Variants in CSMD3 observed in about 807,000 individuals in gnomAD.
CSMD3 encodes the protein CUB and sushi domain-containing protein 3.
CSMD3 carries 177 observed loss-of-function variants against 435.2 expected under a neutral mutation model. That is an observed-to-expected ratio of 0.41 (90% CI 0.36 to 0.46). The LOEUF (loss-of-function observed/expected upper bound fraction) is 0.46, where lower values mean the gene tolerates loss of function less well. Among genes scored for constraint, CSMD3 ranks in the 20% least tolerant of loss-of-function variants. The probability of loss-of-function intolerance (pLI) is 0.34; values close to 1 mark genes in which losing one functional copy is unlikely to be tolerated. For synonymous variants in CSMD3, 1,656 were observed against 1,520.5 expected, an observed-to-expected ratio of 1.09 and a Z score of -2.07; for missense variants, 4,265 against 4,504.6, an observed-to-expected ratio of 0.95 and a Z score of 1.52.
chr8:113,066,631 A>G (rs1386323284), intron 5 of CSMD3, among the ~76,000 whole-genome samples: 1 of 151,996 alleles, frequency 6.6e-6, no homozygotes, highest in African/African-American at 2.4e-5. Context: ...TATTCCTGCT[A>G]TAAATCTGAA....
chr8:112,722,907 T>A (rs940707059), intron 13 of CSMD3, among the ~76,000 whole-genome samples: 1 of 152,100 alleles, frequency 6.6e-6, no homozygotes, highest in East Asian at 1.9e-4. Context: ...ATATGTTGGG[T>A]TTTTGAAATT....
chr8:112,370,017 A>AGAAGAG lies in CSMD3; in HGVS notation c.6136+10329_6136+10334dup, dbSNP rs1554658400. On this transcript the variant is annotated intron_variant, in intron 38 of 70. Transcript: ENST00000297405. ...AGGAAGAAGAAGAGGAAGAGGAAGA[A>AGAAGAG]GAAGAGGAAGAAGAAGAAGAAGAAG... is the stretch of plus-strand genomic sequence containing the variant. Among the ~76,000 whole-genome samples, 360 of 59,496 alleles carry AGAAGAG rather than the reference A, an allele frequency of 6.1e-3. 13 individuals carry two copies. Among genetic ancestry groups the AGAAGAG allele is most frequent in the African/African-American group, 0.014 (344 of 25,228 alleles). 39.0% of individuals were successfully genotyped at this position (59,496 alleles called of 152,430 possible).
intron 3 of CSMD3, among the ~76,000 whole-genome samples, chr8:113,275,748 C>T (rs985324992): frequency 6.6e-6 from 1 of 151,652 alleles, no homozygotes; most frequent in African/African-American, 2.4e-5. Flanking sequence ...GCTTGTAATC[C>T]CAGTGCTTTG....
chr8:112,918,531 G>C (rs2082638682), intron 10 of CSMD3, among the ~76,000 whole-genome samples: 1 of 151,622 alleles, frequency 6.6e-6, no homozygotes, highest in South Asian at 2.1e-4. Context: ...GTTTCTTTAA[G>C]TATCAGGAAG....
chr8:112,272,571 T>A (rs554739045), intron 59 of CSMD3, among the ~76,000 whole-genome samples: 1 of 152,224 alleles, frequency 6.6e-6, no homozygotes, highest in East Asian at 1.9e-4. Flanking sequence ...GAAATATAGA[T>A]GAAATTATTG....
chr8:112,379,548 A>T (rs1829277766), intron 38 of CSMD3, among the ~76,000 whole-genome samples: 1 of 152,146 alleles, frequency 6.6e-6, no homozygotes, highest in Non-Finnish European at 1.5e-5. Flanking sequence ...ATAGAAATAC[A>T]TCCCATTTTA....
chr8:113,179,128 A>T (rs929360091), intron 3 of CSMD3, among the ~76,000 whole-genome samples: 1 of 151,816 alleles, frequency 6.6e-6, no homozygotes, highest in African/African-American at 2.4e-5. Context: ...TTAATTTTAA[A>T]AAAATTAGTA....
chr8:112,810,421 A>G (rs1031159157), intron 12 of CSMD3, among the ~76,000 whole-genome samples: 1 of 152,158 alleles, frequency 6.6e-6, no homozygotes, highest in Non-Finnish European at 1.5e-5. Context: ...GCAAATGATA[A>G]GTCTAATATA....
chr8:112,617,702 T>C (rs1360322023), intron 22 of CSMD3, among the ~76,000 whole-genome samples: 1 of 152,144 alleles, frequency 6.6e-6, no homozygotes, highest in Non-Finnish European at 1.5e-5. Flanking sequence ...TTACCAGTCA[T>C]TGCCCAGTTG....
intron 1 of CSMD3, among the ~76,000 whole-genome samples, chr8:113,424,839 C>T (rs542346836): frequency 1.4e-4 from 21 of 151,456 alleles, no homozygotes; most frequent in African/African-American, 4.8e-4. Context: ...GTTATATTTA[C>T]CTGTGATAAG....
At chr8:112,794,014 T>C (rs1563966843) in intron 13 of CSMD3, among the ~76,000 whole-genome samples, 1 of 152,228 alleles carries the variant, frequency 6.6e-6, no homozygotes, top group East Asian at 1.9e-4. Context: ...ACTCACCATG[T>C]CTTAAAAAAG....
rs529928299 is a variant in CSMD3 at position 112,929,140 on chromosome 8, T to G, written c.1509-7389A>C. 9.5e-5 allele frequency among the ~76,000 whole-genome samples: 14 copies of G among 147,494 alleles called. No individual in the cohort carries two copies. In the Admixed American group the frequency reaches 9.6e-4, roughly 10 times the overall value. ...GCCCACTTTTTGATGGGGTTGTTTG[T>G]TTTTTCTTGTAAATTTGTTTGAGTT... On this transcript the variant is annotated intron_variant, in intron 9 of 70. Coordinates refer to ENST00000297405, the MANE Select transcript of CSMD3 (RefSeq NM_198123.2).
intron 4 of CSMD3, among the ~76,000 whole-genome samples, chr8:113,110,985 T>A (rs370025147): frequency 1.8e-4 from 27 of 152,112 alleles, no homozygotes; most frequent in African/African-American, 6.3e-4. Context: ...GTGGGCCTAT[T>A]TTATAAGGGC....
chr8:112,290,576 G>T (rs980905934), intron 56 of CSMD3, among the ~76,000 whole-genome samples: 19 of 151,604 alleles, frequency 1.3e-4, no homozygotes, highest in Non-Finnish European at 4.4e-5. Context: ...AAAAAGTGTT[G>T]TTTCTTCATT....
chr8:113,284,819 C>T (rs2093634751), intron 2 of CSMD3, among the ~76,000 whole-genome samples: 1 of 152,044 alleles, frequency 6.6e-6, no homozygotes, highest in South Asian at 2.1e-4. Context: ...GTTATATTCC[C>T]TCCGCGTTGA....
At chr8:112,612,650 C>T (rs1250768043) in intron 22 of CSMD3, among the ~76,000 whole-genome samples, 1 of 149,230 alleles carries the variant, frequency 6.7e-6, no homozygotes, top group African/African-American at 2.5e-5. Context: ...TGTGATCCTG[C>T]ATGTATATTT....
chr8:113,381,396 T>C (rs1456247056), intron 1 of CSMD3, among the ~76,000 whole-genome samples: 1 of 152,094 alleles, frequency 6.6e-6, no homozygotes, highest in African/African-American at 2.4e-5. Flanking sequence ...TTTATTCTTT[T>C]GGGGATCTAA....
intron 10 of CSMD3, among the ~76,000 whole-genome samples, chr8:112,905,060 T>G (rs1014851658): frequency 1.3e-5 from 2 of 151,314 alleles, no homozygotes; most frequent in Admixed American, 6.6e-5. Context: ...AGTATCTGAT[T>G]AATGGGAATT....
intron 5 of CSMD3, among the ~76,000 whole-genome samples, chr8:113,072,228 A>T (rs1306800475): frequency 1.3e-5 from 2 of 151,796 alleles, no homozygotes; most frequent in Admixed American, 1.3e-4. Flanking sequence ...TTTTCTATGT[A>T]TATAATCATA....
Sources: allele counts gnomAD v4.1 joint callset (sites outside exome capture counted in the v4.1 genomes callset), GRCh38; gene constraint gnomAD v4.1.1; transcripts MANE v1.5; gene names NCBI Gene and HGNC (gene_info 2026-07-23, HGNC 2026-07-21).